The following GRID1 variants were observed in gnomAD, a reference collection of about 807,000 sequenced individuals.
GRID1 encodes glutamate ionotropic receptor delta type subunit 1.
GRID1 carries 28 observed loss-of-function variants against 98.0 expected under a neutral mutation model. The ratio of observed to expected loss-of-function variants is 0.29; its 90% CI spans 0.21 to 0.39. The LOEUF (loss-of-function observed/expected upper bound fraction) is 0.39, where lower values mean the gene tolerates loss of function less well. GRID1 is among the 10% of genes least tolerant of loss of function. GRID1 has a pLI of 1.00. For missense variants in GRID1, 1,111 were observed against 1,340.5 expected (o/e 0.83, Z 2.67); for synonymous variants, 553 against 538.5 (o/e 1.03, Z -0.37).
intron 2 of GRID1, among the ~76,000 whole-genome samples, chr10:86,231,982 C>T (rs1846460342): frequency 6.6e-6 from 1 of 151,306 alleles, no homozygotes; most frequent in African/African-American, 2.4e-5. Context: ...TGCAAACCCT[C>T]CCGTGTATCC....
intron 4 of GRID1, among the ~76,000 whole-genome samples, chr10:86,057,157 A>C (rs1019405424): frequency 7.2e-5 from 11 of 152,218 alleles, no homozygotes; most frequent in Admixed American, 7.2e-4. Flanking sequence ...AGAGAGGGCA[A>C]CTAATCCTGG....
chr10:85,829,765 T>C (rs1247390126), intron 8 of GRID1, among the ~76,000 whole-genome samples: 1 of 151,990 alleles, frequency 6.6e-6, no homozygotes, highest in East Asian at 1.9e-4. Context: ...ATTTCTACAA[T>C]GAGAATTATA....
chr10:86,156,777 G>A (rs1018096327), intron 3 of GRID1, among the ~76,000 whole-genome samples: 4 of 152,208 alleles, frequency 2.6e-5, no homozygotes, highest in South Asian at 2.1e-4. Context: ...GTGATCTCAC[G>A]TCTCAAAGGC....
intron 2 of GRID1, among the ~76,000 whole-genome samples, chr10:86,264,376 T>C (rs1032073599): frequency 6.6e-6 from 1 of 152,230 alleles, no homozygotes; most frequent in African/African-American, 2.4e-5. Context: ...GTCTGCCCCT[T>C]GTACCCTGTA....
intron 5 of GRID1, among the ~76,000 whole-genome samples, chr10:85,909,165 T>A (rs1841502112): frequency 6.6e-6 from 1 of 152,164 alleles, no homozygotes; most frequent in Admixed American, 6.5e-5. Context: ...TAGATCTAAA[T>A]GGCAAATAAG....
At chr10:86,006,700 G>T (rs1358098197) in intron 4 of GRID1, among the ~76,000 whole-genome samples, 1 of 151,772 alleles carries the variant, frequency 6.6e-6, no homozygotes, top group Non-Finnish European at 1.5e-5. Flanking sequence ...GGGTAGAAAA[G>T]GATTTTTTTT....
intron 13 of GRID1, among the ~76,000 whole-genome samples, chr10:85,644,864 A>G (rs1294234378): frequency 1.3e-5 from 2 of 152,212 alleles, no homozygotes; most frequent in African/African-American, 4.8e-5. Flanking sequence ...GTAAAATGAT[A>G]TAATCTTTAT....
chr10:86,113,687 G>T (rs1039546411), intron 4 of GRID1, among the ~76,000 whole-genome samples: 3 of 152,186 alleles, frequency 2.0e-5, no homozygotes, highest in Non-Finnish European at 4.4e-5. Context: ...CAGGGCATCT[G>T]ACACACAGGA....
At chr10:85,624,580 T>G (rs1842890002) in intron 13 of GRID1, among the ~76,000 whole-genome samples, 1 of 152,232 alleles carries the variant, frequency 6.6e-6, no homozygotes, top group Admixed American at 6.5e-5. Flanking sequence ...GCAGATCATC[T>G]AAGAAAGTAG....
At chr10:86,222,940 G>T (rs1030295634) in intron 2 of GRID1, among the ~76,000 whole-genome samples, 1 of 152,142 alleles carries the variant, frequency 6.6e-6, no homozygotes, top group Admixed American at 6.5e-5. Context: ...ATGCGAGACT[G>T]CATCCCCCCC....
At chr10:85,887,973 G>A (rs896258741) in intron 5 of GRID1, among the ~76,000 whole-genome samples, 1 of 151,676 alleles carries the variant, frequency 6.6e-6, no homozygotes, top group African/African-American at 2.4e-5. Context: ...TCCTCCTACA[G>A]CCTCTTCTAC....
chr10:86,130,559 G>A (rs1054033602), intron 4 of GRID1, among the ~76,000 whole-genome samples: 7 of 152,172 alleles, frequency 4.6e-5, no homozygotes, highest in African/African-American at 1.4e-4. Flanking sequence ...AGAGGAGTTC[G>A]GTTGGAGACA....
intron 4 of GRID1, among the ~76,000 whole-genome samples, chr10:85,960,269 AACAG>A (rs1318619628): frequency 1.3e-5 from 2 of 152,246 alleles, no homozygotes; most frequent in African/African-American, 2.4e-5. Context: ...CTTTCTAAGA[AACAG>A]ACAAACTGTC....
At chr10:86,002,172 CA>C (rs1589331829) in intron 4 of GRID1, among the ~76,000 whole-genome samples, 1 of 152,204 alleles carries the variant, frequency 6.6e-6, no homozygotes, top group Non-Finnish European at 1.5e-5. Flanking sequence ...GTCACATTCA[CA>C]GTTACCAGGG....
chr10:85,838,021 C>G (rs1047430427), intron 8 of GRID1, among the ~76,000 whole-genome samples: 1 of 151,984 alleles, frequency 6.6e-6, no homozygotes, highest in Admixed American at 6.6e-5. Flanking sequence ...AATGCAATCA[C>G]AAGTATTAAT....
intron 8 of GRID1, among the ~76,000 whole-genome samples, chr10:85,748,362 CTA>C (rs1449301384): frequency 6.6e-6 from 1 of 152,146 alleles, no homozygotes; most frequent in African/African-American, 2.4e-5. Context: ...TGTGACTATC[CTA>C]TGTTTCACTG....
chr10:86,358,296 G>A (rs964170344), intron 2 of GRID1, among the ~76,000 whole-genome samples: 1 of 152,198 alleles, frequency 6.6e-6, no homozygotes, highest in African/African-American at 2.4e-5. Context: ...TATCAGGGTG[G>A]AAGGAAAGTG....
chr10:85,967,796 G>A (rs1842356210), intron 4 of GRID1, among the ~76,000 whole-genome samples: 1 of 152,172 alleles, frequency 6.6e-6, no homozygotes, highest in African/African-American at 2.4e-5. Flanking sequence ...ACTCATCACT[G>A]ATGAGGAATA....
At chr10:86,294,910 G>A (rs558025515) in intron 2 of GRID1, among the ~76,000 whole-genome samples, 2 of 152,192 alleles carry the variant, frequency 1.3e-5, no homozygotes, top group Admixed American at 6.5e-5. Flanking sequence ...AGGTGCACCC[G>A]CCACAGAGCC....
Sources: allele counts gnomAD v4.1 joint callset (sites outside exome capture counted in the v4.1 genomes callset), GRCh38; gene constraint gnomAD v4.1.1; transcripts MANE v1.5; gene names NCBI Gene and HGNC (gene_info 2026-07-23, HGNC 2026-07-21).